The following ZC3HC1 variants were observed in gnomAD, a reference collection of about 807,000 sequenced individuals.
ZC3HC1 encodes zinc finger C3HC-type containing 1.
Under a neutral mutation model 61.9 loss-of-function variants are expected in ZC3HC1, and 38 were observed. That is an observed-to-expected ratio of 0.61 (90% confidence interval 0.47 to 0.81). The LOEUF (loss-of-function observed/expected upper bound fraction) is 0.81, where lower values mean the gene tolerates loss of function less well. Among genes scored for constraint, ZC3HC1 ranks in the 30% least tolerant of loss-of-function variants. The pLI, the probability that ZC3HC1 is intolerant of heterozygous loss-of-function variation, is 0.00. For missense variants in ZC3HC1, 554 were observed against 622.7 expected (o/e 0.89, Z 1.17); for synonymous variants, 213 against 229.9 (o/e 0.93, Z 0.67).
chr7:130,022,556 T>C (rs1381772802), intron 8 of ZC3HC1, 31 bp from the exon 9 acceptor site: 1 of 1,605,214 alleles, frequency 6.2e-7, no homozygotes, highest in African/African-American at 1.3e-5. Flanking sequence ...ATAGCATTCA[T>C]AGGTAGATGC....
In ZC3HC1 at chr7:130,028,970, G is replaced by C. The variant is rs143076145; in HGVS notation, c.553C>G (p.Arg185Gly). The change falls in exon 5 of 10, where the codon CGT becomes GGT. Residue 185 changes from arginine (R) to glycine (G), a missense_variant. Transcript: ENST00000358303. ...PAILVSEFLD[R>G]FQSLCHLDLQ... Reference sequence around the variant, plus strand: ...TCCAAGTGACAAAGGCTTTGAAAACGATCTAGGAATTCACTAACAAGAATA... The same window carrying C: ...TCCAAGTGACAAAGGCTTTGAAAACCATCTAGGAATTCACTAACAAGAATA... 1,193 of 1,613,672 alleles carry C rather than the reference G, an allele frequency of 7.4e-4. No homozygotes were observed. Among genetic ancestry groups the C allele is most frequent in the Non-Finnish European group, 9.7e-4 (1,142 of 1,179,802 alleles).
intron 3 of ZC3HC1, 124 bp downstream of exon 3, chr7:130,040,827 T>TA (rs1285539108): frequency 2.5e-4 from 254 of 1,034,532 alleles, no homozygotes; most frequent in Non-Finnish European, 2.9e-4. Flanking sequence ...AAAAAAAGAT[T>TA]AAAAAAAAAG....
intron 1 of ZC3HC1, chr7:130,050,367 C>G: frequency 6.7e-7 from 1 of 1,497,310 alleles, no homozygotes; most frequent in South Asian, 1.2e-5. Context: ...CGTGAGCCAC[C>G]GCGCCCGGCG....
intron 2 of ZC3HC1, among the ~76,000 whole-genome samples, chr7:130,042,412 T>C (rs1794713836): frequency 6.6e-6 from 1 of 152,118 alleles, no homozygotes; most frequent in African/African-American, 2.4e-5. Flanking sequence ...GTGAAAGTAC[T>C]GGGATATGCC....
Position 130,023,203 on chromosome 7 carries a change from A to G in ZC3HC1, c.1233+308T>C, listed in dbSNP as rs562665558. The G allele has an allele frequency of 1.1e-5, 4 of 366,904 alleles. No individual in the cohort carries two copies. The South Asian group carries it at 1.2e-4, about 11-fold the overall frequency. 22.7% of individuals were successfully genotyped at this position (366,904 alleles called of 1,614,324 possible). A position where few individuals can be genotyped will look rare whatever the true frequency, so the allele number is the denominator to read the frequency against. ...GTGGTCCGTGGAAAAATGGTCTTCC[A>G]TGAAAACGGTCCCTGGTGCCAAAAA... On this transcript the variant is annotated intron_variant, in intron 8 of 9. Coordinates refer to ENST00000358303, the MANE Select transcript of ZC3HC1 (RefSeq NM_016478.5). This position sits in a 1 kb window ranked among gnomAD's most constrained non-coding sequence, Gnocchi z 4.2.
chr7:130,024,198 C>G (rs1793778955), intron 7 of ZC3HC1, 65 bp downstream of exon 7: 1 of 1,526,196 alleles, frequency 6.6e-7, no homozygotes, highest in Admixed American at 2.1e-5. Context: ...TTCCAACTTT[C>G]TACCAACAAC....
At chr7:130,036,431 G>A (rs1024512677) in intron 4 of ZC3HC1, among the ~76,000 whole-genome samples, 4 of 151,954 alleles carry the variant, frequency 2.6e-5, no homozygotes, top group East Asian at 1.9e-4. Flanking sequence ...GCATGGTGGC[G>A]GGCACCTGTA....
intron 2 of ZC3HC1, among the ~76,000 whole-genome samples, chr7:130,047,746 G>A (rs1794923408): frequency 1.3e-5 from 2 of 152,008 alleles, no homozygotes; most frequent in African/African-American, 4.8e-5. Flanking sequence ...CTCAAAGCAA[G>A]GTGATGTGAA....
chr7:130,040,870 T>G, intron 3 of ZC3HC1, 81 bp downstream of exon 3: 1 of 1,392,882 alleles, frequency 7.2e-7, no homozygotes. Context: ...CAAACTAAAA[T>G]GACCTTTTTT....
intron 4 of ZC3HC1, among the ~76,000 whole-genome samples, chr7:130,035,420 A>G (rs1794394694): frequency 6.6e-6 from 1 of 151,436 alleles, no homozygotes; most frequent in Admixed American, 6.6e-5. Context: ...AGCCGAGTGA[A>G]GTGGCTTCCT....
intron 4 of ZC3HC1, chr7:130,036,607 T>A (rs888238836): frequency 6.6e-6 from 1 of 152,158 alleles, no homozygotes; most frequent in African/African-American, 2.4e-5. Context: ...TAAAGAAATT[T>A]AATTTAGCTT....
At chr7:130,036,987 G>A (rs930902602) in intron 4 of ZC3HC1, 3 of 152,196 alleles carry the variant, frequency 2.0e-5, no homozygotes, top group Non-Finnish European at 4.4e-5. Flanking sequence ...AAGTGGAAAT[G>A]TTTAGAAGGT....
intron 2 of ZC3HC1, among the ~76,000 whole-genome samples, chr7:130,044,296 A>C (rs1349388535): frequency 6.6e-6 from 1 of 152,180 alleles, no homozygotes; most frequent in Non-Finnish European, 1.5e-5. Context: ...CTGGGATTAC[A>C]GGTGTGCCAC....
intron 4 of ZC3HC1, among the ~76,000 whole-genome samples, chr7:130,033,476 G>T (rs1382029287): frequency 8.9e-6 from 1 of 111,868 alleles, no homozygotes; most frequent in East Asian, 2.8e-4. Flanking sequence ...TTTTTGAGAC[G>T]GAGTCTTGCT....
intron 6 of ZC3HC1, among the ~76,000 whole-genome samples, chr7:130,025,893 A>AAG (rs1563075623): frequency 6.7e-6 from 1 of 150,158 alleles, no homozygotes; most frequent in Non-Finnish European, 1.5e-5. Context: ...AAAAAAAAAA[A>AAG]AGAGAACACA....
At chr7:130,037,840 T>C (rs1054137537) in intron 4 of ZC3HC1, among the ~76,000 whole-genome samples, 5 of 152,208 alleles carry the variant, frequency 3.3e-5, no homozygotes, top group Non-Finnish European at 7.3e-5. Context: ...ATGAATAGTG[T>C]TGCTTTTTAA....
intron 9 of ZC3HC1, among the ~76,000 whole-genome samples, chr7:130,021,081 A>G (rs1328338827): frequency 1.4e-5 from 2 of 147,038 alleles, no homozygotes; most frequent in South Asian, 2.1e-4. Flanking sequence ...TTTTTTTTGT[A>G]TTTTGAGTAG....
intron 3 of ZC3HC1, among the ~76,000 whole-genome samples, chr7:130,040,338 C>T (rs557501072): frequency 1.0e-3 from 154 of 149,362 alleles, no homozygotes; most frequent in Admixed American, 3.6e-3. Context: ...ACTAAAAATA[C>T]AAAAAATTAG....
At chr7:130,022,726 A>G (rs1793704569) in intron 8 of ZC3HC1, among the ~76,000 whole-genome samples, 1 of 152,024 alleles carries the variant, frequency 6.6e-6, no homozygotes, top group Non-Finnish European at 1.5e-5. Context: ...ACTATACCTT[A>G]TCACAAGGGA....
Sources: allele counts gnomAD v4.1 joint callset (sites outside exome capture counted in the v4.1 genomes callset), GRCh38; gene constraint gnomAD v4.1.1; non-coding constraint Gnocchi (gnomAD v3.1); transcripts MANE v1.5; gene names NCBI Gene and HGNC (gene_info 2026-07-23, HGNC 2026-07-21).